PLCB4: variants seen among roughly 807,000 people sequenced by gnomAD.
PLCB4 encodes the protein phospholipase C beta 4.
Under a neutral mutation model 178.8 loss-of-function variants are expected in PLCB4, and 77 were observed. The ratio of observed to expected loss-of-function variants is 0.43; its 90% CI spans 0.36 to 0.52. The LOEUF (loss-of-function observed/expected upper bound fraction) is 0.52, where lower values mean the gene tolerates loss of function less well. PLCB4 is among the 20% of genes least tolerant of loss of function. PLCB4 has a pLI of 0.00. For synonymous variants in PLCB4, 496 were observed against 490.8 expected (o/e 1.01, Z -0.14); for missense variants, 1,024 against 1,453.4 (o/e 0.70, Z 4.80).
intron 3 of PLCB4, among the ~76,000 whole-genome samples, chr20:9,244,367 G>A (rs185904975): frequency 2.0e-3 from 310 of 152,276 alleles, no homozygotes; most frequent in Non-Finnish European, 3.3e-3. Flanking sequence ...ATTTAGTTCT[G>A]CTAGTAAGGA....
intron 2 of PLCB4, among the ~76,000 whole-genome samples, chr20:9,151,740 G>A (rs943027470): frequency 6.6e-6 from 1 of 152,106 alleles, no homozygotes; most frequent in Non-Finnish European, 1.5e-5. Flanking sequence ...GGGCGTTGCT[G>A]AAAAGATACC....
intron 19 of PLCB4, among the ~76,000 whole-genome samples, chr20:9,397,576 G>A (rs2038692673): frequency 6.6e-6 from 1 of 152,172 alleles, no homozygotes; most frequent in Non-Finnish European, 1.5e-5. Flanking sequence ...CCAAAAGTTG[G>A]AAGAATTAAC....
chr20:9,069,756 A>C (rs1309666175), intron 1 of PLCB4, among the ~76,000 whole-genome samples: 1 of 152,258 alleles, frequency 6.6e-6, no homozygotes, highest in Non-Finnish European at 1.5e-5. Flanking sequence ...TTCTGAGTGT[A>C]GACTTCGTAT....
At chr20:9,287,428 A>G (rs2147739705) in intron 3 of PLCB4, among the ~76,000 whole-genome samples, 1 of 152,182 alleles carries the variant, frequency 6.6e-6, no homozygotes, top group East Asian at 1.9e-4. Flanking sequence ...TCTTTTGTGA[A>G]ATGAAGGTAT....
intron 28 of PLCB4, among the ~76,000 whole-genome samples, chr20:9,426,961 A>G (rs2041057083): frequency 6.6e-6 from 1 of 152,094 alleles, no homozygotes; most frequent in Admixed American, 6.5e-5. Flanking sequence ...GCGGTGGCTC[A>G]TGCCTGTAAT....
At chr20:9,324,825 C>T (rs2030163985) in intron 4 of PLCB4, among the ~76,000 whole-genome samples, 1 of 151,878 alleles carries the variant, frequency 6.6e-6, no homozygotes, top group Non-Finnish European at 1.5e-5. Context: ...AGACAAAAGT[C>T]CAACTGGAGT....
intron 3 of PLCB4, among the ~76,000 whole-genome samples, chr20:9,243,201 G>A (rs1345346855): frequency 6.6e-6 from 1 of 152,104 alleles, no homozygotes; most frequent in African/African-American, 2.4e-5. Context: ...AGAACATCAA[G>A]ATTGTTAATA....
chr20:9,260,454 A>G (rs1263084501), intron 3 of PLCB4, among the ~76,000 whole-genome samples: 1 of 152,150 alleles, frequency 6.6e-6, no homozygotes, highest in Non-Finnish European at 1.5e-5. Context: ...TTGATGGCAC[A>G]GTGGTTCCCT....
chr20:9,331,980 C>A (rs1014036698), intron 4 of PLCB4, among the ~76,000 whole-genome samples: 1 of 152,220 alleles, frequency 6.6e-6, no homozygotes, highest in African/African-American at 2.4e-5. Flanking sequence ...TCTAGCCTTG[C>A]TCTCTAGTGG....
Position 9,305,753 on chromosome 20 carries a change from A to C in PLCB4, c.-15-2047A>C, listed in dbSNP as rs185916823. The stretch of plus-strand genomic sequence containing the variant: ...AACTACATTTTTCTCCTAAAAGTTG[A>C]AACAGTATTGAACACAGAATTTTAA... On this transcript the variant is annotated intron_variant, in intron 3 of 39. Transcript: ENST00000378473. Among the ~76,000 whole-genome samples, 239 of 152,302 alleles carry C rather than the reference A, an allele frequency of 1.6e-3. 1 individual carries two copies. Among genetic ancestry groups the C allele is most frequent in the African/African-American group, 5.5e-3 (228 of 41,558 alleles).
At chr20:9,342,265 T>C (rs2033296523) in intron 7 of PLCB4, among the ~76,000 whole-genome samples, 1 of 152,176 alleles carries the variant, frequency 6.6e-6, no homozygotes, top group Non-Finnish European at 1.5e-5. Flanking sequence ...ATAGATATAA[T>C]TACCTCAGTT....
At chr20:9,318,733 A>G (rs572027188) in intron 4 of PLCB4, among the ~76,000 whole-genome samples, 63 of 152,346 alleles carry the variant, frequency 4.1e-4, no homozygotes, top group African/African-American at 1.4e-3. Flanking sequence ...GCTAACTGTT[A>G]TAATTTTTCT....
At chr20:9,312,406 T>TCA (rs2094847920) in intron 4 of PLCB4, among the ~76,000 whole-genome samples, 1 of 126,040 alleles carries the variant, frequency 7.9e-6, no homozygotes, top group Non-Finnish European at 1.7e-5. Context: ...ACGCACGCAC[T>TCA]CACACACACG....
chr20:9,122,693 A>T (rs2091998544), intron 2 of PLCB4, among the ~76,000 whole-genome samples: 1 of 152,158 alleles, frequency 6.6e-6, no homozygotes, highest in Non-Finnish European at 1.5e-5. Flanking sequence ...TAAAGAAAGG[A>T]CCAATTTTAC....
intron 2 of PLCB4, among the ~76,000 whole-genome samples, chr20:9,144,877 C>A (rs1000957350): frequency 6.6e-6 from 1 of 152,034 alleles, no homozygotes; most frequent in Non-Finnish European, 1.5e-5. Flanking sequence ...ATTCATGTAA[C>A]ATTGCCTAAG....
chr20:9,144,730 GGGGAAGGAGGGGAAGGA>G (rs2092564090), intron 2 of PLCB4, among the ~76,000 whole-genome samples: 1 of 32,810 alleles, frequency 3.0e-5, no homozygotes, highest in Non-Finnish European at 9.2e-5. Context: ...AGGGGAAGGA[GGGGAAGGAGGGGAAGGA>G]GGGGAAGGAG....
chr20:9,185,045 C>T (rs2093309669), intron 2 of PLCB4, among the ~76,000 whole-genome samples: 1 of 152,218 alleles, frequency 6.6e-6, no homozygotes, highest in Admixed American at 6.5e-5. Context: ...GCTTCAGCTT[C>T]CCCAGTAGCT....
chr20:9,428,271 A>G (rs1735442201), intron 28 of PLCB4, among the ~76,000 whole-genome samples: 1 of 152,206 alleles, frequency 6.6e-6, no homozygotes, highest in Admixed American at 6.5e-5. Context: ...TGAAAAACCC[A>G]GTTGCATATT....
intron 25 of PLCB4, among the ~76,000 whole-genome samples, chr20:9,417,379 T>C (rs2040325351): frequency 6.6e-6 from 1 of 152,114 alleles, no homozygotes; most frequent in Non-Finnish European, 1.5e-5. Flanking sequence ...CATCTCCCAA[T>C]AGGAATTTTA....
Sources: gnomAD v4.1 joint callset for allele counts (sites outside exome capture counted in the v4.1 genomes callset) on GRCh38, gnomAD v4.1.1 for gene constraint, MANE v1.5 for transcripts, NCBI Gene and HGNC (gene_info 2026-07-23, HGNC 2026-07-21) for gene names.